The following GABBR2 variants were observed in gnomAD, a reference collection of about 807,000 sequenced individuals.
GABBR2 encodes G-protein coupled receptor 51.
GABBR2 carries 23 observed loss-of-function variants against 105.6 expected under a neutral mutation model. That is an observed-to-expected ratio of 0.22 (90% CI 0.16 to 0.31). GABBR2 has a LOEUF of 0.31. GABBR2 is among the 10% of genes least tolerant of loss of function. GABBR2 has a pLI of 1.00. For missense variants in GABBR2, 734 were observed against 1,245.5 expected (o/e 0.59, Z 6.18); for synonymous variants, 478 against 499.7 (o/e 0.96, Z 0.58).
chr9:98,414,711 C>G lies in GABBR2; in HGVS notation c.1237-8570G>C, dbSNP rs113132108. Reference sequence around the variant, plus strand: ...AGACTAGGTTTTCCAGGCTTCCTGACGGTTGGGTGCGGCCATGTGACAGTC... The same window carrying G: ...AGACTAGGTTTTCCAGGCTTCCTGAGGGTTGGGTGCGGCCATGTGACAGTC... On this transcript the variant is annotated intron_variant, in intron 7 of 18. Coordinates refer to ENST00000259455, the MANE Select transcript of GABBR2 (RefSeq NM_005458.8). Among the ~76,000 whole-genome samples the G allele has an allele frequency of 1.2e-3, 176 of 152,278 alleles. 2 individuals carry two copies. The highest frequency in any genetic ancestry group is 3.3e-3 in the African/African-American group (139 of 41,570).
intron 7 of GABBR2, among the ~76,000 whole-genome samples, chr9:98,409,400 A>G (rs12235930): frequency 0.18 from 27,273 of 152,152 alleles, 3,814 homozygotes; most frequent in African/African-American, 0.39. Flanking sequence ...AGGTGTGAGA[A>G]GATGGTGGTT....
At chr9:98,635,814 C>T (rs1829867422) in intron 1 of GABBR2, among the ~76,000 whole-genome samples, 2 of 152,180 alleles carry the variant, frequency 1.3e-5, no homozygotes, top group East Asian at 1.9e-4. Flanking sequence ...AGACTGGGTA[C>T]AGGATTCCTC....
At chr9:98,371,318 C>T (rs1831778771) in intron 12 of GABBR2, 146 bp downstream of exon 12, 4 of 611,120 alleles carry the variant, frequency 6.5e-6, no homozygotes, top group South Asian at 5.8e-5. Flanking sequence ...CCGATTTCCC[C>T]AGTAGGGTGA....
At chr9:98,477,614 TCCTGAGTTCACACGGTTCAG>T (rs1255362801) in intron 5 of GABBR2, among the ~76,000 whole-genome samples, 7 of 152,152 alleles carry the variant, frequency 4.6e-5, no homozygotes, top group African/African-American at 1.7e-4. Context: ...GAGTGGGCCA[TCCTGAGTTCACACGGTTCAG>T]CCCCATGAAC....
At chr9:98,486,380 T>C (rs1827049443) in intron 4 of GABBR2, among the ~76,000 whole-genome samples, 1 of 152,168 alleles carries the variant, frequency 6.6e-6, no homozygotes, top group Non-Finnish European at 1.5e-5. Flanking sequence ...GCAAATGCAA[T>C]CCTGAGCCAC....
At chr9:98,665,090 GACTCT>G (rs1830315910) in intron 1 of GABBR2, among the ~76,000 whole-genome samples, 1 of 152,012 alleles carries the variant, frequency 6.6e-6, no homozygotes, top group Non-Finnish European at 1.5e-5. Context: ...AACAGAATGA[GACTCT>G]GTTTCTACAT....
intron 1 of GABBR2, among the ~76,000 whole-genome samples, chr9:98,639,463 C>T (rs1829928369): frequency 6.6e-6 from 1 of 152,068 alleles, no homozygotes; most frequent in Non-Finnish European, 1.5e-5. Context: ...CCCAGGGCCT[C>T]CCCCACCACC....
chr9:98,433,321 A>T (rs552004035), intron 7 of GABBR2, among the ~76,000 whole-genome samples: 4 of 152,336 alleles, frequency 2.6e-5, no homozygotes, highest in Non-Finnish European at 5.9e-5. Context: ...ATTATATGCC[A>T]TGGGTCTGTA....
chr9:98,572,144 T>G (rs1181737783), intron 2 of GABBR2, among the ~76,000 whole-genome samples: 1 of 152,208 alleles, frequency 6.6e-6, no homozygotes, highest in Non-Finnish European at 1.5e-5. Context: ...CTCACCTGCA[T>G]GTCAGACCCT....
intron 8 of GABBR2, among the ~76,000 whole-genome samples, chr9:98,402,918 T>A (rs1832419535): frequency 6.6e-6 from 1 of 152,148 alleles, no homozygotes; most frequent in African/African-American, 2.4e-5. Flanking sequence ...GATACGCATA[T>A]GCCCCCTGCA....
chr9:98,585,164 G>T (rs1427221494), intron 1 of GABBR2, among the ~76,000 whole-genome samples: 1 of 152,028 alleles, frequency 6.6e-6, no homozygotes, highest in Non-Finnish European at 1.5e-5. Context: ...CATCTACCCT[G>T]CCCAGAAAAG....
At chr9:98,667,062 C>T (rs1441779884) in intron 1 of GABBR2, among the ~76,000 whole-genome samples, 2 of 152,166 alleles carry the variant, frequency 1.3e-5, no homozygotes, top group Non-Finnish European at 2.9e-5. Context: ...CACAAGAACA[C>T]AGGACCAGGG....
chr9:98,704,258 G>C (rs337558), intron 1 of GABBR2, among the ~76,000 whole-genome samples: 106,408 of 152,110 alleles, frequency 0.7, 38,571 homozygotes, highest in Middle Eastern at 0.83. Flanking sequence ...AAAGATATTT[G>C]GCAAAGCCAC....
chr9:98,440,735 G>A (rs1826017367), intron 7 of GABBR2, among the ~76,000 whole-genome samples: 1 of 152,204 alleles, frequency 6.6e-6, no homozygotes, highest in African/African-American at 2.4e-5. Context: ...TCATCCACGT[G>A]AGCACAGAGT....
At chr9:98,437,253 T>C (rs561342965) in intron 7 of GABBR2, among the ~76,000 whole-genome samples, 2 of 152,106 alleles carry the variant, frequency 1.3e-5, no homozygotes, top group African/African-American at 2.4e-5. Flanking sequence ...GAACTGAAAT[T>C]ACCTCTCCTA....
rs544763412 is a variant in GABBR2, at chr9:98,688,832, T to A, written c.321+19585A>T. On this transcript the variant is annotated intron_variant, in intron 1 of 18. Transcript: ENST00000259455. The stretch of plus-strand genomic sequence containing the variant: ...CTGGGAGGGGCGTTCCAGGGAAGGG[T>A]CCTGGCCAGGTGAGCCAGGCAACAC... 9.2e-5 allele frequency among the ~76,000 whole-genome samples: 14 copies of A among 152,266 alleles called. No individual in the cohort carries two copies. In the South Asian group the frequency reaches 2.9e-3, roughly 32 times the overall value.
At chr9:98,614,045 G>C (rs1380653578) in intron 1 of GABBR2, among the ~76,000 whole-genome samples, 1 of 152,152 alleles carries the variant, frequency 6.6e-6, no homozygotes, top group Non-Finnish European at 1.5e-5. Context: ...AAAGGAGAAT[G>C]ATATTGAATA....
intron 1 of GABBR2, chr9:98,607,078 C>A (rs896473888): frequency 6.6e-7 from 1 of 1,521,480 alleles, no homozygotes; most frequent in African/African-American, 1.4e-5. Flanking sequence ...GTTAAGAGAT[C>A]TGGTTTTGAT....
At position 98,454,282 on chromosome 9, in the gene GABBR2, C is replaced by T. The variant is rs1826286758; in HGVS notation, c.1000-65G>A. The T allele has an allele frequency of 9.5e-7, 1 of 1,052,860 alleles. No homozygotes were observed. The highest frequency in any genetic ancestry group is 1.5e-6 in the Non-Finnish European group (1 of 670,592). 65.2% of individuals were successfully genotyped at this position (1,052,860 alleles called of 1,614,324 possible). On this transcript the variant is annotated intron_variant, in intron 6 of 18. Transcript: ENST00000259455. This position sits in a 1 kb window ranked among gnomAD's most constrained non-coding sequence, Gnocchi z 4.6. ...CGGCAGGGACATCAGGTGCCTGATG[C>T]CGAGAAGAGCTGCTATTCTTCAATG... is the stretch of plus-strand genomic sequence containing the variant.
Sources: gnomAD v4.1 joint callset for allele counts (sites outside exome capture counted in the v4.1 genomes callset) on GRCh38, gnomAD v4.1.1 for gene constraint, Gnocchi (gnomAD v3.1) non-coding constraint, MANE v1.5 for transcripts, NCBI Gene and HGNC (gene_info 2026-07-23, HGNC 2026-07-21) for gene names.